The following MZB1 variants were observed in gnomAD, a reference collection of about 807,000 sequenced individuals.
MZB1 encodes marginal zone B and B1 cell specific protein.
In MZB1, 10 loss-of-function variants were observed where a neutral mutation model predicts 17.2. The observed-to-expected ratio is 0.58, with a 90% CI of 0.36 to 0.98. MZB1 has a LOEUF of 0.98. Ranked by LOEUF, MZB1 falls within the 50% of genes least tolerant of loss-of-function variation. The pLI is 0.01. For missense variants in MZB1, 246 were observed against 237.5 expected (o/e 1.04, Z -0.23); for synonymous variants, 99 against 98.7 (o/e 1.00, Z -0.02).
chr5:139,388,407 C>T lies in MZB1; in HGVS notation c.302+54G>A. 3 of 1,533,682 alleles carry T rather than the reference C, an allele frequency of 2.0e-6. No individual in the cohort carries two copies. The South Asian group carries it at 3.6e-5, about 18-fold the overall frequency. On this transcript the variant is annotated intron_variant, in intron 2 of 3. Transcript: ENST00000302125. The stretch of plus-strand genomic sequence containing the variant: ...GTGAGCGGCTGAGTGGGAATCTCCA[C>T]CCACCAGGCCTGCCCTTGGAGGAGG...
intron 2 of MZB1, 105 bp downstream of exon 2, chr5:139,388,356 G>T: frequency 7.7e-7 from 1 of 1,300,874 alleles, no homozygotes; most frequent in Non-Finnish European, 1.1e-6. Context: ...CCTTGGACCA[G>T]AGTCCTAGAG....
Position 139,388,150 on chromosome 5 carries a change from A to G in MZB1, c.303-19T>C. 6.5e-7 allele frequency: 1 copy of G among 1,546,510 alleles called. No homozygotes were observed. The highest frequency in any genetic ancestry group is 1.2e-5 in the South Asian group (1 of 83,680). On this transcript the variant is annotated intron_variant, in intron 2 of 3. Coordinates refer to ENST00000302125, the MANE Select transcript of MZB1 (RefSeq NM_016459.4). Reference sequence around the variant, plus strand: ...TCCGTAGCTGGTGGCAGTGGAGAGGAGAGGAGTACAGTTTTGGCAGGAGCC... The same window carrying G: ...TCCGTAGCTGGTGGCAGTGGAGAGGGGAGGAGTACAGTTTTGGCAGGAGCC...
In MZB1 at chr5:139,389,867, G is replaced by A. The variant is rs1758581636; in HGVS notation, c.-11C>T. ...CAGTGACAGCCTCATGGCCCCAGGAGCCAGTTCAGCAAGTGTAGTCTGTGG... is the reference window on the plus strand; with the variant it reads ...CAGTGACAGCCTCATGGCCCCAGGAACCAGTTCAGCAAGTGTAGTCTGTGG... On this transcript the variant is annotated 5_prime_UTR_variant, in exon 1 of 4. Transcript: ENST00000302125. The A allele has an allele frequency of 1.9e-6, 3 of 1,540,468 alleles. No individual in the cohort carries two copies. Among genetic ancestry groups the A allele is most frequent in the Non-Finnish European group, 8.7e-7 (1 of 1,146,288 alleles).
Position 139,388,542 on chromosome 5 carries a change from G to A in MZB1, c.221C>T (p.Ser74Leu), listed in dbSNP as rs1442642537. Reference sequence around the variant, plus strand: ...CAGCTCCCGCCGCCCCCCAGAGTTTGAGGTATGAAGTTTGGTCTCTGCCTT... The same window carrying A: ...CAGCTCCCGCCGCCCCCCAGAGTTTAAGGTATGAAGTTTGGTCTCTGCCTT... ...LAKAETKLHT[S>L]NSGGRRELSE... The change falls in exon 2 of 4, where the codon TCA becomes TTA. Residue 74 changes from serine (S) to leucine (L), a missense_variant. By Grantham distance (145) the Ser-to-Leu change is moderately radical. Transcript: ENST00000302125. The A allele has an allele frequency of 6.2e-7, 1 of 1,601,194 alleles. No individual in the cohort carries two copies. The highest frequency in any genetic ancestry group is 1.7e-5 in the Admixed American group (1 of 58,028).
intron 1 of MZB1, chr5:139,389,334 C>T (rs117072954): frequency 2.3e-5 from 12 of 518,222 alleles, no homozygotes; most frequent in East Asian, 4.8e-5. Context: ...CACGTGCAGG[C>T]GCTCACACGT....
In MZB1 at chr5:139,387,808, C is replaced by A. The variant is rs1042874347; in HGVS notation, c.527G>T (p.Gly176Val). The A allele has an allele frequency of 1.3e-6, 2 of 1,580,570 alleles. No individual in the cohort carries two copies. The highest frequency in any genetic ancestry group is 2.7e-5 in the African/African-American group (2 of 73,294). ...LEALLCGGPQGACSEKVSATR... is the reference protein window; with the variant it reads ...LEALLCGGPQVACSEKVSATR... Reference sequence around the variant, plus strand: ...GGCTGACACCTTCTCTGAGCAGGCCCCCTGGGGTCCCCCACATAGCAATGC... The same window carrying A: ...GGCTGACACCTTCTCTGAGCAGGCCACCTGGGGTCCCCCACATAGCAATGC... Residue 176 changes from glycine (G) to valine (V), a missense_variant, in exon 4 of 4, where the codon GGG (glycine) becomes GTG (valine). By Grantham distance (109) the Gly-to-Val change is moderately radical (BLOSUM62 -3). Coordinates refer to ENST00000302125, the MANE Select transcript of MZB1 (RefSeq NM_016459.4).
intron 1 of MZB1, 100 bp downstream of exon 1, chr5:139,389,580 A>G (rs1581392594): frequency 7.3e-7 from 1 of 1,367,648 alleles, no homozygotes. Context: ...AGTGGTAGGG[A>G]TTGGGGATCA....
chr5:139,387,967 G>A (rs774416415), intron 3 of MZB1, 46 bp from the exon 4 acceptor site: 1 of 1,580,474 alleles, frequency 6.3e-7, no homozygotes, highest in East Asian at 2.3e-5. Flanking sequence ...AGCCCACAGT[G>A]GGGCAAACCA....
chr5:139,389,083 G>A (rs780782613), intron 1 of MZB1: 22 of 216,174 alleles, frequency 1.0e-4, no homozygotes, highest in Non-Finnish European at 2.1e-4. Flanking sequence ...TGTTGGCCAG[G>A]CTGGTCTCGA....
Position 139,389,868 on chromosome 5 carries a change from C to T in MZB1, c.-12G>A. Reference sequence around the variant, plus strand: ...AGTGACAGCCTCATGGCCCCAGGAGCCAGTTCAGCAAGTGTAGTCTGTGGT... The same window carrying T: ...AGTGACAGCCTCATGGCCCCAGGAGTCAGTTCAGCAAGTGTAGTCTGTGGT... On this transcript the variant is annotated 5_prime_UTR_variant, in exon 1 of 4. Transcript: ENST00000302125. 1 of 1,540,184 alleles carries T rather than the reference C, an allele frequency of 6.5e-7. No individual in the cohort carries two copies. The highest frequency in any genetic ancestry group is 8.7e-7 in the Non-Finnish European group (1 of 1,146,208).
rs558030602 is a variant in MZB1 at position 139,388,356 on chromosome 5, G to A, written c.302+105C>T. 75 of 1,300,878 alleles carry A rather than the reference G, an allele frequency of 5.8e-5. No individual in the cohort carries two copies. The East Asian group carries it at 1.8e-3, about 31-fold the overall frequency. The allele number at this position is 1,300,878 out of a possible 1,614,324, so 80.6% of individuals were successfully genotyped here. ...CCCAGCCAGCCCCTCCCTTGGACCA[G>A]AGTCCTAGAGGAGTGTGTGTGTTGT... On this transcript the variant is annotated intron_variant, in intron 2 of 3. Coordinates refer to ENST00000302125, the MANE Select transcript of MZB1 (RefSeq NM_016459.4).
chr5:139,389,534 G>T, intron 1 of MZB1, 146 bp downstream of exon 1: 2 of 997,090 alleles, frequency 2.0e-6, no homozygotes, highest in Non-Finnish European at 3.0e-6. Context: ...CTGAGGCATG[G>T]AATATATGAA....
chr5:139,388,859 A>G, intron 1 of MZB1: 1 of 337,304 alleles, frequency 3.0e-6, no homozygotes, highest in Non-Finnish European at 5.4e-6. Flanking sequence ...GGCAAGTGTC[A>G]TTTTATTTTT....
rs767662660 is a variant in MZB1 at position 139,389,794 on chromosome 5, G to A, written c.63C>T (p.Leu21=). 31 of 1,551,256 alleles carry A rather than the reference G, an allele frequency of 2.0e-5. No individual in the cohort carries two copies. The highest frequency in any genetic ancestry group is 2.4e-5 in the South Asian group (2 of 84,072). ...TGGCTGTGAGTGGCGCCCTGTCCCC[G>A]AGGCCCCCTGGGATGGCCCAGGCTC... is the stretch of plus-strand genomic sequence containing the variant. ...LLGAWAIPGG[L]GDRAPLTATA... is the part of the protein sequence containing the mutation. Residue 21 remains leucine (L), a synonymous_variant, in exon 1 of 4, where the codon CTC becomes CTT. Transcript: ENST00000302125.
In MZB1 at chr5:139,387,778, C is replaced by T; in HGVS notation, c.557G>A (p.Arg186Lys). The T allele has an allele frequency of 1.3e-6, 2 of 1,547,396 alleles. No individual in the cohort carries two copies. Among genetic ancestry groups the T allele is most frequent in the Non-Finnish European group, 1.7e-6 (2 of 1,155,240 alleles). ...TAGAGTCCAGGACTAGAGCTCTTCT[C>T]TTGTGGCTGACACCTTCTCTGAGCA... ...GACSEKVSAT[R>K]EEL The change falls in exon 4 of 4, where the codon AGA becomes AAA. Residue 186 changes from arginine to lysine, a missense_variant. Transcript: ENST00000302125.
chr5:139,388,477 A>G lies in MZB1; in HGVS notation c.286T>C (p.Ser96Pro). 1 of 1,604,722 alleles carries G rather than the reference A, an allele frequency of 6.2e-7. No individual in the cohort carries two copies. Among genetic ancestry groups the G allele is most frequent in the South Asian group, 1.1e-5 (1 of 89,068 alleles). Residue 96 changes from serine (S) to proline (P), a missense_variant, in exon 2 of 4, where the codon TCC (serine) becomes CCC (proline). Coordinates refer to ENST00000302125, the MANE Select transcript of MZB1 (RefSeq NM_016459.4). ...VYTDVLDRSC[S>P]RNWQDYGVRE... ...GCAACTCACTCCTGCCAGTTCCGGG[A>G]GCAGCTCCGGTCCAGGACATCCGTG...
intron 1 of MZB1, chr5:139,389,171 C>T (rs1439735622): frequency 2.0e-5 from 6 of 295,236 alleles, no homozygotes; most frequent in East Asian, 2.1e-4. Flanking sequence ...CGCGCCCGGC[C>T]GGCACGTGCC....
At position 139,388,040 on chromosome 5, in the gene MZB1, CT is replaced by C. The variant is rs1434898220; in HGVS notation, c.393del (p.Gly133AlafsTer144). 6.4e-7 allele frequency: 1 copy of C among 1,556,450 alleles called. No homozygotes were observed. The highest frequency in any genetic ancestry group is 1.4e-5 in the African/African-American group (1 of 73,266). ...CATCACCTGGTAGGCCAGGGGCCCC[CT>C]GTGACCATCACGCTGATGCTTGGCT... ...GPEPSISVMV[T>X]GGPWPTRLSR... On this transcript the variant is annotated frameshift_variant, in exon 3 of 4. Transcript: ENST00000302125. LOFTEE classifies it low-confidence loss of function (END_TRUNC).
rs1232578893 is a variant in MZB1 at position 139,389,661 on chromosome 5, A to G, written c.177+19T>C. 6.3e-7 allele frequency: 1 copy of G among 1,581,964 alleles called. No individual in the cohort carries two copies. Among genetic ancestry groups the G allele is most frequent in the Non-Finnish European group, 8.6e-7 (1 of 1,163,810 alleles). On this transcript the variant is annotated intron_variant, in intron 1 of 3. Transcript: ENST00000302125. ...GAAGGGGTGTGAGCAGGGCAGGGTG[A>G]CAGTGGTGAAGGACTCACCTGGTAA...
Sources: allele counts gnomAD v4.1 joint callset, GRCh38; gene constraint gnomAD v4.1.1; transcripts MANE v1.5; gene names NCBI Gene and HGNC (gene_info 2026-07-23, HGNC 2026-07-21).